Variants in MAP2 observed in about 807,000 individuals in gnomAD.
MAP2 encodes microtubule-associated protein 2.
In MAP2, 14 loss-of-function variants were observed where a neutral mutation model predicts 137.6. That is an observed-to-expected ratio of 0.10 (90% CI 0.07 to 0.16). MAP2 has a LOEUF of 0.16. MAP2 is among the 10% of genes least tolerant of loss of function. The pLI, the probability that MAP2 is intolerant of heterozygous loss-of-function variation, is 1.00. For missense variants in MAP2, 2,088 were observed against 2,191.5 expected, an observed-to-expected ratio of 0.95 and a Z score of 0.94; for synonymous variants, 786 against 782.3, an observed-to-expected ratio of 1.00 and a Z score of -0.08.
chr2:209,669,637 T>C (rs970262586), intron 5 of MAP2, among the ~76,000 whole-genome samples: 1 of 152,050 alleles, frequency 6.6e-6, no homozygotes, highest in Non-Finnish European at 1.5e-5. Context: ...TCCTATGTTT[T>C]GCAGCTATAG....
At chr2:209,469,535 T>A (rs780850555) in intron 1 of MAP2, among the ~76,000 whole-genome samples, 1 of 152,184 alleles carries the variant, frequency 6.6e-6, no homozygotes, top group Non-Finnish European at 1.5e-5. Context: ...GGCTCTATCT[T>A]CTTTCCATCT....
chr2:209,730,103 C>T lies in MAP2; in HGVS notation c.5269-79C>T. 5 of 1,264,396 alleles carry T rather than the reference C, an allele frequency of 4.0e-6. No homozygotes were observed. In the South Asian group the frequency reaches 6.3e-5, roughly 16 times the overall value. 78.3% of individuals were successfully genotyped at this position (1,264,396 alleles called of 1,614,324 possible). ...AGAGGTGAATAGAAGTCATTAATGT[C>T]AGCCCTGGGAGATGGAGAAAGAGGT... On this transcript the variant is annotated intron_variant, in intron 15 of 15. Coordinates refer to ENST00000682079, the MANE Select transcript of MAP2 (RefSeq NM_001375505.1).
chr2:209,463,282 C>A (rs577676227), intron 1 of MAP2, among the ~76,000 whole-genome samples: 3 of 152,250 alleles, frequency 2.0e-5, no homozygotes, highest in African/African-American at 7.2e-5. Flanking sequence ...TCTGATAAGT[C>A]ATGCTATTTC....
intron 12 of MAP2, 73 bp downstream of exon 12, chr2:209,705,800 ATATTT>A (rs991564829): frequency 8.1e-7 from 1 of 1,237,758 alleles, no homozygotes; most frequent in Non-Finnish European, 1.1e-6. Flanking sequence ...ACTTATATTT[ATATTT>A]TAATTTGTAA....
At chr2:209,433,819 G>A (rs1694981477) in intron 1 of MAP2, among the ~76,000 whole-genome samples, 1 of 151,616 alleles carries the variant, frequency 6.6e-6, no homozygotes, top group South Asian at 2.1e-4. Flanking sequence ...TTAATCACTT[G>A]TAGTCTCTTT....
chr2:209,605,988 T>C (rs1580293589), intron 3 of MAP2, among the ~76,000 whole-genome samples: 2 of 152,314 alleles, frequency 1.3e-5, no homozygotes, highest in South Asian at 4.1e-4. Flanking sequence ...AAAGTTAGTG[T>C]TAACCGCTGG....
At chr2:209,624,704 T>C (rs777123135) in intron 3 of MAP2, among the ~76,000 whole-genome samples, 3 of 152,182 alleles carry the variant, frequency 2.0e-5, no homozygotes, top group Non-Finnish European at 4.4e-5. Context: ...AATGAATGTA[T>C]TCTCTTGGGA....
At chr2:209,487,236 G>A (rs1209323470) in intron 1 of MAP2, among the ~76,000 whole-genome samples, 1 of 152,160 alleles carries the variant, frequency 6.6e-6, no homozygotes, top group African/African-American at 2.4e-5. Flanking sequence ...CTCTGACTCA[G>A]AGAAGTGGGT....
intron 5 of MAP2, among the ~76,000 whole-genome samples, chr2:209,669,647 G>A (rs2047924227): frequency 6.6e-6 from 1 of 151,918 alleles, no homozygotes; most frequent in Non-Finnish European, 1.5e-5. Flanking sequence ...TGCAGCTATA[G>A]AAGCATTGAT....
chr2:209,575,266 A>T (rs1440143251), intron 2 of MAP2, among the ~76,000 whole-genome samples: 1 of 152,116 alleles, frequency 6.6e-6, no homozygotes, highest in Non-Finnish European at 1.5e-5. Context: ...TCATGCATGT[A>T]ATCCCAGCAC....
chr2:209,544,412 G>A (rs2067641927), intron 2 of MAP2, among the ~76,000 whole-genome samples: 1 of 152,130 alleles, frequency 6.6e-6, no homozygotes, highest in African/African-American at 2.4e-5. Context: ...GACTATGAAA[G>A]GGAGGTCTAT....
Position 209,695,058 on chromosome 2 carries a change from T to C in MAP2, c.2888T>C (p.Val963Ala). The C allele has an allele frequency of 8.7e-6, 14 of 1,614,132 alleles. No individual in the cohort carries two copies. Among genetic ancestry groups the C allele is most frequent in the Non-Finnish European group, 1.2e-5 (14 of 1,180,028 alleles). ...AAAGCTAATGATAGGTTGGATACTG[T>C]ACTAGAAAAGAGTGAAGAACATGCT... is the stretch of plus-strand genomic sequence containing the variant. Reference protein sequence around the residue: ...EKKANDRLDTVLEKSEEHADS... With the variant: ...EKKANDRLDTALEKSEEHADS... The change falls in exon 8 of 16, where the codon GTA becomes GCA. Residue 963 changes from valine to alanine, a missense_variant. This residue lies in a region of MAP2 where 500 missense variants were observed against 482.9 expected (regional missense o/e 1.04). Coordinates refer to ENST00000682079, the MANE Select transcript of MAP2 (RefSeq NM_001375505.1).
intron 1 of MAP2, among the ~76,000 whole-genome samples, chr2:209,441,893 G>T (rs1360539692): frequency 6.6e-6 from 1 of 151,482 alleles, no homozygotes; most frequent in Non-Finnish European, 1.5e-5. Context: ...TACAGTGCCG[G>T]CATGAGTTGC....
chr2:209,661,410 C>T, intron 5 of MAP2: 1 of 595,976 alleles, frequency 1.7e-6, no homozygotes. Context: ...ATTTTCCTTT[C>T]CTAGTTGCCA....
intron 3 of MAP2, among the ~76,000 whole-genome samples, chr2:209,582,157 A>G (rs930486556): frequency 6.6e-6 from 1 of 152,130 alleles, no homozygotes; most frequent in Non-Finnish European, 1.5e-5. Context: ...AAATAAATGA[A>G]TTTGTCAGCA....
intron 2 of MAP2, among the ~76,000 whole-genome samples, chr2:209,530,895 C>T (rs1319882248): frequency 6.6e-6 from 1 of 152,108 alleles, no homozygotes; most frequent in Non-Finnish European, 1.5e-5. Context: ...TGTTCTGTTT[C>T]CTAGTTGCTT....
At chr2:209,454,812 G>A (rs1300647470) in intron 1 of MAP2, among the ~76,000 whole-genome samples, 1 of 152,154 alleles carries the variant, frequency 6.6e-6, no homozygotes, top group Non-Finnish European at 1.5e-5. Flanking sequence ...GTGTGTGTGT[G>A]TAATCATTTA....
chr2:209,635,134 A>G (rs765963675), intron 4 of MAP2, among the ~76,000 whole-genome samples: 3 of 152,130 alleles, frequency 2.0e-5, no homozygotes, highest in East Asian at 3.9e-4. Context: ...GATATTTTAC[A>G]TAACTCTCCT....
chr2:209,700,360 T>G lies in MAP2; in HGVS notation c.4584+22T>G, dbSNP rs1372344617. ...CTCTGTGAGTAAAATAAGTTTTTCC[T>G]TGTTCTTCATTTGAAGTTCCTTTGG... On this transcript the variant is annotated intron_variant, in intron 11 of 15. Transcript: ENST00000682079. 16 of 1,582,960 alleles carry G rather than the reference T, an allele frequency of 1.0e-5. 1 individual carries two copies. In the South Asian group the frequency reaches 1.2e-4, roughly 12 times the overall value.
Sources: allele counts gnomAD v4.1 joint callset (sites outside exome capture counted in the v4.1 genomes callset), GRCh38; gene constraint gnomAD v4.1.1; regional missense constraint gnomAD v4.1.1; transcripts MANE v1.5; gene names NCBI Gene and HGNC (gene_info 2026-07-23, HGNC 2026-07-21).